Variants in ADGRA3 observed in about 807,000 individuals in gnomAD.
The protein encoded by ADGRA3 is adhesion G protein-coupled receptor A3.
Under a neutral mutation model 119.8 loss-of-function variants are expected in ADGRA3, and 56 were observed. The observed-to-expected ratio is 0.47, with a 90% CI of 0.38 to 0.58. The LOEUF is 0.58. Ranked by LOEUF, ADGRA3 falls within the 20% of genes least tolerant of loss-of-function variation. The pLI, the probability that ADGRA3 is intolerant of heterozygous loss-of-function variation, is 0.00. For synonymous variants in ADGRA3, 607 were observed against 623.8 expected (o/e 0.97, Z 0.40); for missense variants, 1,516 against 1,649.0 (o/e 0.92, Z 1.40).
At chr4:22,466,170 G>C (rs1717650374) in intron 2 of ADGRA3, among the ~76,000 whole-genome samples, 1 of 152,184 alleles carries the variant, frequency 6.6e-6, no homozygotes, top group African/African-American at 2.4e-5. Flanking sequence ...CGTGGTCCCA[G>C]CCTTGCCCAC....
intron 1 of ADGRA3, among the ~76,000 whole-genome samples, chr4:22,508,717 C>T (rs1012662943): frequency 6.6e-6 from 1 of 152,210 alleles, no homozygotes; most frequent in Non-Finnish European, 1.5e-5. Context: ...GGAGTCCCAT[C>T]ACTAGGCTGA....
intron 10 of ADGRA3, 105 bp downstream of exon 10, chr4:22,435,206 C>T: frequency 1.0e-6 from 1 of 969,188 alleles, no homozygotes; most frequent in Non-Finnish European, 1.6e-6. Context: ...ATGCTTTTAG[C>T]TCAAATATGA....
intron 11 of ADGRA3, among the ~76,000 whole-genome samples, chr4:22,422,279 A>G (rs1007832637): frequency 4.6e-5 from 7 of 152,196 alleles, no homozygotes; most frequent in Non-Finnish European, 8.8e-5. Flanking sequence ...ATTTTGATGC[A>G]CGATGCTTAC....
At chr4:22,462,657 G>A (rs1232298546) in intron 2 of ADGRA3, among the ~76,000 whole-genome samples, 6 of 152,162 alleles carry the variant, frequency 3.9e-5, no homozygotes, top group Admixed American at 3.9e-4. Context: ...AAATAAATGT[G>A]TGATAAAACA....
At chr4:22,430,199 G>T (rs544292880) in intron 10 of ADGRA3, among the ~76,000 whole-genome samples, 8 of 152,218 alleles carry the variant, frequency 5.3e-5, no homozygotes, top group Non-Finnish European at 1.0e-4. Flanking sequence ...TTTATTAGTA[G>T]CATGAAAATG....
chr4:22,401,636 C>A (rs1357573912), intron 15 of ADGRA3, 82 bp from the exon 16 acceptor site: 2 of 1,038,786 alleles, frequency 1.9e-6, no homozygotes, highest in Admixed American at 4.9e-5. Flanking sequence ...ATTCCAACTT[C>A]ATCAAAGGTA....
intron 1 of ADGRA3, among the ~76,000 whole-genome samples, chr4:22,477,911 G>A (rs755798132): frequency 2.0e-5 from 3 of 152,092 alleles, no homozygotes; most frequent in Non-Finnish European, 4.4e-5. Context: ...GGGGACTGTG[G>A]AACTAGCAAA....
chr4:22,448,485 T>C (rs962028719), intron 4 of ADGRA3, among the ~76,000 whole-genome samples: 7 of 152,176 alleles, frequency 4.6e-5, no homozygotes, highest in Admixed American at 2.0e-4. Context: ...CAGCAGAGGA[T>C]GGGATAGAAA....
At chr4:22,455,063 T>C (rs975552360) in intron 3 of ADGRA3, 126 bp from the exon 4 acceptor site, 46 of 673,436 alleles carry the variant, frequency 6.8e-5, no homozygotes, top group Middle Eastern at 2.6e-4. Context: ...CTTTGAGATA[T>C]TTACTGTACG....
rs769206447 is a variant in ADGRA3, at chr4:22,421,043, C to A, written c.1652G>T (p.Gly551Val). The change falls in exon 12 of 19, where the codon GGC becomes GTC. Residue 551 changes from glycine (G) to valine (V), a missense_variant. Around this residue, in one of 2 missense-constraint regions of ADGRA3, gnomAD observed 1,088 missense variants for 1,107.1 expected, o/e 0.98. Transcript: ENST00000334304. ...ALEAYVIKST[G>V]FTGMTCTVFQ... is the part of the protein sequence containing the mutation. ...CACGGTACAGGTCATCCCCGTGAAG[C>A]CAGTAGACTTGATGACATAAGCTTC... The A allele has an allele frequency of 6.2e-7, 1 of 1,613,844 alleles. No homozygotes were observed. The highest frequency in any genetic ancestry group is 1.3e-5 in the African/African-American group (1 of 74,868).
chr4:22,421,995 G>A (rs1022530767), intron 11 of ADGRA3, among the ~76,000 whole-genome samples: 1 of 151,066 alleles, frequency 6.6e-6, no homozygotes, highest in Non-Finnish European at 1.5e-5. Flanking sequence ...AGTTTTAAAG[G>A]AATTCAGGAA....
In ADGRA3 at chr4:22,388,041, C is replaced by T. The variant is rs767190670; in HGVS notation, c.3630G>A (p.Arg1210=). 25 of 1,614,018 alleles carry T rather than the reference C, an allele frequency of 1.5e-5. No individual in the cohort carries two copies. The South Asian group carries it at 2.6e-4, about 17-fold the overall frequency. Residue 1210 remains arginine, a synonymous_variant, in exon 19 of 19, where the codon CGG becomes CGA. Transcript: ENST00000334304. ...GSVQNGLPKS[R]LGNNEGHSRS... is the part of the protein sequence containing the mutation. ...TCGAGTGTCCTTCGTTATTGCCCAG[C>T]CGGCTTTTAGGTAAGCCGTTCTGCA... is the stretch of plus-strand genomic sequence containing the variant.
intron 2 of ADGRA3, among the ~76,000 whole-genome samples, chr4:22,471,516 T>G (rs1261964711): frequency 6.6e-6 from 1 of 152,096 alleles, no homozygotes; most frequent in Non-Finnish European, 1.5e-5. Context: ...TGGGCTGCTC[T>G]CCCACAAAAA....
intron 8 of ADGRA3, among the ~76,000 whole-genome samples, chr4:22,437,086 T>C (rs1716426109): frequency 6.6e-6 from 1 of 152,170 alleles, no homozygotes; most frequent in Non-Finnish European, 1.5e-5. Flanking sequence ...TATGAGAATA[T>C]AGAAAATCTA....
chr4:22,510,867 T>C (rs1041151046), intron 1 of ADGRA3, among the ~76,000 whole-genome samples: 4 of 152,220 alleles, frequency 2.6e-5, no homozygotes, highest in Admixed American at 6.5e-5. Flanking sequence ...TAATGAGGGA[T>C]AGTCTTTTAA....
In ADGRA3 at chr4:22,447,428, A is replaced by ATTC. The variant is rs771647913; in HGVS notation, c.545+9_545+11dup. 5.8e-5 allele frequency: 85 copies of ATTC among 1,463,758 alleles called. No homozygotes were observed. The highest frequency in any genetic ancestry group is 7.3e-5 in the Non-Finnish European group (79 of 1,085,442). The allele number at this position is 1,463,758 out of a possible 1,614,324, so 90.7% of individuals were successfully genotyped here. The stretch of plus-strand genomic sequence containing the variant: ...ATCAAAAAAAAAAAGAGAGAAAAAA[A>ATTC]TTCTTACTTACAAAGACCGTAATGA... On this transcript the variant is annotated intron_variant, in intron 5 of 18. Transcript: ENST00000334304.
chr4:22,496,074 T>C (rs1718815091), intron 1 of ADGRA3, among the ~76,000 whole-genome samples: 1 of 152,228 alleles, frequency 6.6e-6, no homozygotes, highest in Non-Finnish European at 1.5e-5. Flanking sequence ...AATGTAAGTA[T>C]ATACATCACC....
rs1344353731 is a variant in ADGRA3 at position 22,388,574 on chromosome 4, C to T, written c.3097G>A (p.Ala1033Thr). The T allele has an allele frequency of 1.4e-5, 23 of 1,614,034 alleles. No homozygotes were observed. Among genetic ancestry groups the T allele is most frequent in the Non-Finnish European group, 1.9e-5 (23 of 1,180,028 alleles). Residue 1033 changes from alanine (A) to threonine (T), a missense_variant, in exon 19 of 19, where the codon GCC (alanine) becomes ACC (threonine). Coordinates refer to ENST00000334304, the MANE Select transcript of ADGRA3 (RefSeq NM_145290.4). ...LDLVFSFVFG[A>T]TSLSFSAFFV... is the part of the protein sequence containing the mutation. ...AACGCACTGAAGCTTAAACTTGTGG[C>T]TCCAAAAACGAAGCTAAAAACCAAG...
At chr4:22,443,113 G>T in intron 6 of ADGRA3, 1 of 679,094 alleles carries the variant, frequency 1.5e-6, no homozygotes, top group Non-Finnish European at 2.6e-6. Context: ...GGCATCCTAA[G>T]AGTATCAGAT....
Sources: gnomAD v4.1 joint callset for allele counts (sites outside exome capture counted in the v4.1 genomes callset) on GRCh38, gnomAD v4.1.1 for gene constraint, gnomAD v4.1.1 regional missense constraint, MANE v1.5 for transcripts, NCBI Gene and HGNC (gene_info 2026-07-23, HGNC 2026-07-21) for gene names.